GRIP1: variants seen among roughly 807,000 people sequenced by gnomAD.
GRIP1 encodes the protein glutamate receptor-interacting protein 1.
GRIP1 carries 45 observed loss-of-function variants against 129.9 expected under a neutral mutation model. The observed-to-expected ratio is 0.35, with a 90% CI of 0.27 to 0.44. The LOEUF (loss-of-function observed/expected upper bound fraction) is 0.44. Among genes scored for constraint, GRIP1 ranks in the 20% least tolerant of loss-of-function variants. The pLI, the probability that GRIP1 is intolerant of heterozygous loss-of-function variation, is 1.00. For missense variants in GRIP1, 1,196 were observed against 1,396.8 expected (o/e 0.86, Z 2.29); for synonymous variants, 530 against 520.8 (o/e 1.02, Z -0.24).
chr12:66,424,615 C>A (rs1189684117), intron 14 of GRIP1, among the ~76,000 whole-genome samples: 2 of 152,136 alleles, frequency 1.3e-5, no homozygotes, highest in African/African-American at 4.8e-5. Flanking sequence ...ATTTATTGAT[C>A]AACATTTGGA....
intron 1 of GRIP1, among the ~76,000 whole-genome samples, chr12:66,843,256 C>A (rs1199244079): frequency 1.3e-5 from 2 of 151,956 alleles, no homozygotes; most frequent in African/African-American, 4.8e-5. Context: ...ACCACTTGTA[C>A]ACTGAAAACT....
rs373030849 is a variant in GRIP1, at chr12:66,539,094, G to A, written c.402C>T (p.Tyr134=). Residue 134 remains tyrosine, a synonymous_variant, in exon 4 of 25, where the codon TAC becomes TAT. Transcript: ENST00000359742. ...VGERVVLEVE[Y]ELPPVSVQGS... The stretch of plus-strand genomic sequence containing the variant: ...TGTACTTACAGACCGGTGGAAGCTC[G>A]TACTCTACTTCAAGAACCACTCTTT... The A allele has an allele frequency of 2.3e-5, 37 of 1,613,774 alleles. 1 individual carries two copies. The highest frequency in any genetic ancestry group is 1.6e-4 in the Middle Eastern group (1 of 6,082).
chr12:66,711,396 G>A (rs938004784), intron 1 of GRIP1, among the ~76,000 whole-genome samples: 1 of 151,766 alleles, frequency 6.6e-6, no homozygotes, highest in Admixed American at 6.6e-5. Context: ...TAAAATTTAT[G>A]AGCATAATTA....
intron 2 of GRIP1, among the ~76,000 whole-genome samples, chr12:66,574,790 T>TTTTTTTTTTTTTTTTTTTTTTTTTC (rs55885862): frequency 7.0e-6 from 1 of 142,068 alleles, no homozygotes; most frequent in South Asian, 2.2e-4. Context: ...CACTTTTCTT[T>TTTTTTTTTTTTTTTTTTTTTTTTTC]TTTTTTTTTT....
At chr12:66,779,865 T>C (rs554574612) in intron 1 of GRIP1, among the ~76,000 whole-genome samples, 6 of 152,342 alleles carry the variant, frequency 3.9e-5, no homozygotes, top group South Asian at 4.2e-4. Flanking sequence ...TCTGAGGACA[T>C]GGCATTTAAA....
chr12:66,551,672 C>A (rs2062141798), intron 2 of GRIP1, among the ~76,000 whole-genome samples: 1 of 148,024 alleles, frequency 6.8e-6, no homozygotes, highest in Non-Finnish European at 1.5e-5. Flanking sequence ...TTATTGGGCT[C>A]AAGGGATCCT....
At chr12:66,359,017 A>G (rs2054621187) in intron 23 of GRIP1, among the ~76,000 whole-genome samples, 1 of 152,054 alleles carries the variant, frequency 6.6e-6, no homozygotes, top group South Asian at 2.1e-4. Flanking sequence ...TTTTCTCCAC[A>G]TGGCAAGCAA....
At chr12:67,060,178 T>A (rs2043508097) in intron 1 of GRIP1, among the ~76,000 whole-genome samples, 1 of 152,174 alleles carries the variant, frequency 6.6e-6, no homozygotes, top group African/African-American at 2.4e-5. Flanking sequence ...AATAGACCAA[T>A]AAGAAGAGAG....
At chr12:66,465,498 T>C in intron 7 of GRIP1, 76 bp from the exon 8 acceptor site, 114 of 1,123,814 alleles carry the variant, frequency 1.0e-4, no homozygotes, top group Middle Eastern at 2.0e-4. Flanking sequence ...AGATGAAGAA[T>C]ATTCAGTTTG....
At chr12:66,476,077 G>C (rs551371748) in intron 7 of GRIP1, among the ~76,000 whole-genome samples, 12 of 152,228 alleles carry the variant, frequency 7.9e-5, no homozygotes, top group African/African-American at 2.9e-4. Flanking sequence ...AATGAATCCA[G>C]GATCTGGTTT....
At chr12:66,948,934 G>A (rs1245054823) in intron 1 of GRIP1, among the ~76,000 whole-genome samples, 2 of 152,108 alleles carry the variant, frequency 1.3e-5, no homozygotes, top group African/African-American at 4.8e-5. Flanking sequence ...TTAAACCAAT[G>A]TTAGAGAATC....
At chr12:66,885,748 C>T (rs773931503) in intron 1 of GRIP1, among the ~76,000 whole-genome samples, 1 of 152,184 alleles carries the variant, frequency 6.6e-6, no homozygotes, top group Non-Finnish European at 1.5e-5. Flanking sequence ...CACCAAGCCG[C>T]CTTGCCACTC....
chr12:66,588,138 A>T (rs1192431546), intron 2 of GRIP1, among the ~76,000 whole-genome samples: 2 of 152,150 alleles, frequency 1.3e-5, no homozygotes, highest in Non-Finnish European at 2.9e-5. Flanking sequence ...AAGGGGAAAC[A>T]TAAAGCATAG....
At chr12:66,896,497 C>T (rs982121730) in intron 1 of GRIP1, among the ~76,000 whole-genome samples, 11 of 83,020 alleles carry the variant, frequency 1.3e-4, no homozygotes, top group East Asian at 4.4e-4. Context: ...AAAAAAAAAA[C>T]TTTGGTGGGC....
chr12:66,886,000 C>T (rs150578999), intron 1 of GRIP1, among the ~76,000 whole-genome samples: 45 of 152,250 alleles, frequency 3.0e-4, no homozygotes, highest in Non-Finnish European at 5.3e-4. Context: ...CAGTGGTTCA[C>T]GCCTGTAATC....
chr12:66,653,109 G>A (rs2032915477), intron 1 of GRIP1, among the ~76,000 whole-genome samples: 1 of 152,098 alleles, frequency 6.6e-6, no homozygotes, highest in African/African-American at 2.4e-5. Context: ...GTTGCTCTTG[G>A]TAAGAGTTGA....
At chr12:66,604,994 A>G (rs962721023) in intron 1 of GRIP1, among the ~76,000 whole-genome samples, 8 of 143,222 alleles carry the variant, frequency 5.6e-5, no homozygotes, top group African/African-American at 2.1e-4. Context: ...ATACATTTGG[A>G]GTAATTAAGG....
At chr12:66,848,673 T>C (rs1224417280) in intron 1 of GRIP1, among the ~76,000 whole-genome samples, 1 of 152,204 alleles carries the variant, frequency 6.6e-6, no homozygotes, top group African/African-American at 2.4e-5. Flanking sequence ...CCTAATTCAC[T>C]GCATTCTCAA....
rs111516975 is a variant in GRIP1, at chr12:66,968,653, T to C, written c.58+100397A>G. On this transcript the variant is annotated intron_variant, in intron 1 of 1. Transcript: ENST00000643019. ...ACTTAAAGTATTTCCAATTCCTCCC[T>C]CCAATCTCTTATGACATTGTTGTCA... Among the ~76,000 whole-genome samples the C allele has an allele frequency of 4.9e-3, 752 of 152,298 alleles. 7 individuals carry two copies. The highest frequency in any genetic ancestry group is 0.017 in the African/African-American group (698 of 41,570).
Sources: gnomAD v4.1 joint callset for allele counts (sites outside exome capture counted in the v4.1 genomes callset) on GRCh38, gnomAD v4.1.1 for gene constraint, MANE v1.5 for transcripts, NCBI Gene and HGNC (gene_info 2026-07-23, HGNC 2026-07-21) for gene names.